Variants in NELFB observed in about 807,000 individuals in gnomAD.
The protein encoded by NELFB is negative elongation factor complex member B.
Under a neutral mutation model 60.2 loss-of-function variants are expected in NELFB, and 34 were observed. That is an observed-to-expected ratio of 0.56 (90% CI 0.43 to 0.75). The LOEUF is 0.75. Ranked by LOEUF, NELFB falls within the 30% of genes least tolerant of loss-of-function variation. The pLI, the probability that NELFB is intolerant of heterozygous loss-of-function variation, is 0.00. For synonymous variants in NELFB, 459 were observed against 382.1 expected (o/e 1.20, Z -2.35); for missense variants, 770 against 831.6 (o/e 0.93, Z 0.91).
chr9:137,266,482 G>A lies in NELFB; in HGVS notation c.1239+56G>A, dbSNP rs1746764876. ...TCCTACGAGGGGTTGTGGGCTGGAAGTGGGGTGGAGGGGGAGGCGCTAGCA... is the reference window on the plus strand; with the variant it reads ...TCCTACGAGGGGTTGTGGGCTGGAAATGGGGTGGAGGGGGAGGCGCTAGCA... On this transcript the variant is annotated intron_variant, in intron 8 of 12. Coordinates refer to ENST00000343053, the MANE Select transcript of NELFB (RefSeq NM_015456.5). The A allele has an allele frequency of 2.7e-6, 4 of 1,485,110 alleles. No individual in the cohort carries two copies. In the East Asian group the frequency reaches 9.1e-5, roughly 34 times the overall value. 92.0% of individuals were successfully genotyped at this position (1,485,110 alleles called of 1,614,324 possible). A position where few individuals can be genotyped will look rare whatever the true frequency, so the allele number is the denominator to read the frequency against.
intron 6 of NELFB, among the ~76,000 whole-genome samples, chr9:137,265,387 C>CTTTTTTT (rs66744887): frequency 0.59 from 53,422 of 91,202 alleles, 17,712 homozygotes; most frequent in Non-Finnish European, 0.68. Context: ...AAACCTTAAG[C>CTTTTTTT]TTTTTTTTTT....
chr9:137,268,240 C>G (rs1027260990), intron 10 of NELFB, among the ~76,000 whole-genome samples: 2 of 152,136 alleles, frequency 1.3e-5, no homozygotes, highest in Non-Finnish European at 2.9e-5. Context: ...GGTTTGCTGT[C>G]TTAGTCCACG....
rs565697242 is a variant in NELFB at position 137,271,258 on chromosome 9, C to T, written c.1490-823C>T. On this transcript the variant is annotated intron_variant, in intron 10 of 12. Transcript: ENST00000343053. ...TGTGAGATGTGGCAGGCAGGCACCTCGGGGGCCTGGGTCTCCTGGAAATGT... is the reference window on the plus strand; with the variant it reads ...TGTGAGATGTGGCAGGCAGGCACCTTGGGGGCCTGGGTCTCCTGGAAATGT... Among the ~76,000 whole-genome samples, 5 of 152,346 alleles carry T rather than the reference C, an allele frequency of 3.3e-5. No individual in the cohort carries two copies. In the East Asian group the frequency reaches 5.8e-4, roughly 18 times the overall value.
chr9:137,255,597 A>G lies in NELFB; in HGVS notation c.232A>G (p.Ile78Val). The G allele has an allele frequency of 6.5e-7, 1 of 1,549,152 alleles. No homozygotes were observed. Among genetic ancestry groups the G allele is most frequent in the Non-Finnish European group, 8.7e-7 (1 of 1,146,664 alleles). ...CAACTGCACGGAGCCGCTCAAGGCC[A>G]TCGAGCAGTTCCAGGTGGGGCGGCC... is the stretch of plus-strand genomic sequence containing the variant. The change falls in exon 1 of 13, where the codon ATC becomes GTC. Residue 78 changes from isoleucine (I) to valine (V), a missense_variant. Coordinates refer to ENST00000343053, the MANE Select transcript of NELFB (RefSeq NM_015456.5).
chr9:137,261,987 G>GAGAT (rs1392672315), intron 4 of NELFB, among the ~76,000 whole-genome samples: 1 of 151,704 alleles, frequency 6.6e-6, no homozygotes. Context: ...GGCAGAGAGA[G>GAGAT]AGAGAGAGGA....
chr9:137,257,316 C>T (rs978860943), intron 4 of NELFB, among the ~76,000 whole-genome samples: 2 of 152,164 alleles, frequency 1.3e-5, no homozygotes, highest in East Asian at 1.9e-4. Flanking sequence ...TGAAGTTAAT[C>T]CCCCCTCCCC....
chr9:137,265,225 C>T (rs1023052222), intron 6 of NELFB, among the ~76,000 whole-genome samples: 2 of 151,050 alleles, frequency 1.3e-5, no homozygotes, highest in South Asian at 2.1e-4. Flanking sequence ...TTCACCACCT[C>T]GCCCGGGCTA....
At position 137,263,025 on chromosome 9, in the gene NELFB, C is replaced by G. The variant is rs369807095; in HGVS notation, c.742-12C>G. 56 of 1,608,558 alleles carry G rather than the reference C, an allele frequency of 3.5e-5. No individual in the cohort carries two copies. The highest frequency in any genetic ancestry group is 4.6e-5 in the Non-Finnish European group (54 of 1,175,540). ...GGACGGTCTGGGGGCCTGACAGTGC[C>G]TCTTGCTGCAGGTGGTGCAGCGGCT... On this transcript the variant is annotated splice_polypyrimidine_tract_variant and intron_variant, in intron 4 of 12. Transcript: ENST00000343053.
Position 137,263,021 on chromosome 9 carries a change from G to T in NELFB, c.742-16G>T, listed in dbSNP as rs762544685. ...CCCAGGACGGTCTGGGGGCCTGACA[G>T]TGCCTCTTGCTGCAGGTGGTGCAGC... On this transcript the variant is annotated splice_polypyrimidine_tract_variant and intron_variant, in intron 4 of 12. Transcript: ENST00000343053. 1.2e-6 allele frequency: 2 copies of T among 1,607,858 alleles called. No individual in the cohort carries two copies. The highest frequency in any genetic ancestry group is 2.2e-5 in the South Asian group (2 of 90,964).
At position 137,272,509 on chromosome 9, in the gene NELFB, A is replaced by G; in HGVS notation, c.1634A>G (p.Lys545Arg). The change falls in exon 12 of 13, where the codon AAG becomes AGG. Residue 545 changes from lysine (K) to arginine (R), a missense_variant and splice_region_variant. Transcript: ENST00000343053. ...CAGCCCTGCACGGCCTTTTCCAGGA[A>G]GGAGAACGTGCACCGGCACGCGCTG... 1 of 1,611,702 alleles carries G rather than the reference A, an allele frequency of 6.2e-7. No homozygotes were observed. The highest frequency in any genetic ancestry group is 1.1e-5 in the South Asian group (1 of 90,870).
chr9:137,257,095 G>A lies in NELFB; in HGVS notation c.741+41G>A, dbSNP rs537684694. On this transcript the variant is annotated intron_variant, in intron 4 of 12. Coordinates refer to ENST00000343053, the MANE Select transcript of NELFB (RefSeq NM_015456.5). ...GTGTGCGGGGTGGGGCACCTCTTGGGGATGCCACGGCTAGCGCCTTCAGCT... is the reference window on the plus strand; with the variant it reads ...GTGTGCGGGGTGGGGCACCTCTTGGAGATGCCACGGCTAGCGCCTTCAGCT... The A allele has an allele frequency of 5.1e-6, 8 of 1,554,816 alleles. No homozygotes were observed. In the South Asian group the frequency reaches 9.0e-5, roughly 18 times the overall value.
chr9:137,260,775 A>G (rs1467191449), intron 4 of NELFB, among the ~76,000 whole-genome samples: 1 of 149,986 alleles, frequency 6.7e-6, no homozygotes, highest in Non-Finnish European at 1.5e-5. Context: ...AAAAAGCTAA[A>G]TTAGGCCGGG....
intron 4 of NELFB, among the ~76,000 whole-genome samples, chr9:137,261,818 C>T (rs1272650662): frequency 4.6e-5 from 7 of 151,780 alleles, no homozygotes; most frequent in South Asian, 2.1e-4. Flanking sequence ...CACCAAGACG[C>T]GGAGACTGGT....
rs1830605497 is a variant in NELFB, at chr9:137,273,116, A to C, written c.*188A>C. The C allele has an allele frequency of 3.6e-6, 2 of 559,988 alleles. No individual in the cohort carries two copies. Among genetic ancestry groups the C allele is most frequent in the Non-Finnish European group, 6.0e-6 (2 of 332,390 alleles). The allele number at this position is 559,988 out of a possible 1,614,324, so 34.7% of individuals were successfully genotyped here. A position where few individuals can be genotyped will look rare whatever the true frequency, so the allele number is the denominator to read the frequency against. ...GGCTCCCGGACCTTGCCCACCATCC[A>C]TGCAGTGGCTCCCAGGGCAGAGCCT... is the stretch of plus-strand genomic sequence containing the variant. On this transcript the variant is annotated 3_prime_UTR_variant, in exon 13 of 13. Coordinates refer to ENST00000343053, the MANE Select transcript of NELFB (RefSeq NM_015456.5).
In NELFB at chr9:137,262,075, A is replaced by G. The variant is rs1588186323; in HGVS notation, c.742-962A>G. On this transcript the variant is annotated intron_variant, in intron 4 of 12. Coordinates refer to ENST00000343053, the MANE Select transcript of NELFB (RefSeq NM_015456.5). The stretch of plus-strand genomic sequence containing the variant: ...TTTCACTAATTGACTACTGCTATCT[A>G]GAAGGCAGAGCCAGGTGTACAGGAT... Among the ~76,000 whole-genome samples the G allele has an allele frequency of 3.3e-5, 5 of 152,314 alleles. No homozygotes were observed. The East Asian group carries it at 9.6e-4, about 29-fold the overall frequency.
chr9:137,272,853 C>T lies in NELFB; in HGVS notation c.1812C>T (p.Pro604=), dbSNP rs1745472960. 2 of 1,549,744 alleles carry T rather than the reference C, an allele frequency of 1.3e-6. No individual in the cohort carries two copies. The highest frequency in any genetic ancestry group is 1.2e-5 in the South Asian group (1 of 83,996). The change falls in exon 13 of 13, where the codon CCC becomes CCT. Residue 604 remains proline (P), a synonymous_variant. Coordinates refer to ENST00000343053, the MANE Select transcript of NELFB (RefSeq NM_015456.5). ...TGGAACAGCTGGATCACCGGAAGCCCAGCCCGGCACAGGCTGCGGAGACGC... is the reference window on the plus strand; with the variant it reads ...TGGAACAGCTGGATCACCGGAAGCCTAGCCCGGCACAGGCTGCGGAGACGC...
chr9:137,258,944 C>A (rs113157916), intron 4 of NELFB, among the ~76,000 whole-genome samples: 11 of 152,186 alleles, frequency 7.2e-5, no homozygotes, highest in African/African-American at 2.4e-4. Context: ...TGGCTCACGC[C>A]TGTACTCCTA....
At chr9:137,272,424 G>A (rs1255722304) in intron 11 of NELFB, 83 bp from the exon 12 acceptor site, 1 of 1,475,308 alleles carries the variant, frequency 6.8e-7, no homozygotes, top group South Asian at 1.3e-5. Flanking sequence ...TGTCTCCAGG[G>A]GCCTTGGCCA....
chr9:137,257,602 A>G (rs904459975), intron 4 of NELFB, among the ~76,000 whole-genome samples: 2 of 151,068 alleles, frequency 1.3e-5, no homozygotes, highest in African/African-American at 4.9e-5. Context: ...TCCCAGGTTC[A>G]AGCAATTCTC....
Sources: allele counts gnomAD v4.1 joint callset (sites outside exome capture counted in the v4.1 genomes callset), GRCh38; gene constraint gnomAD v4.1.1; transcripts MANE v1.5; gene names NCBI Gene and HGNC (gene_info 2026-07-23, HGNC 2026-07-21).